The following TRAPPC2 variants were observed in gnomAD, a reference collection of about 807,000 sequenced individuals.
TRAPPC2 encodes the protein sedlin.
A neutral mutation model predicts 10.0 loss-of-function variants in TRAPPC2; 4 were observed. The ratio of observed to expected loss-of-function variants is 0.40; its 90% CI spans 0.20 to 0.92. The LOEUF is 0.92. Among genes scored for constraint, TRAPPC2 ranks in the 40% least tolerant of loss-of-function variants. The pLI, the probability that TRAPPC2 is intolerant of heterozygous loss-of-function variation, is 0.35. For missense variants in TRAPPC2, 52 were observed against 108.7 expected, an observed-to-expected ratio of 0.48 and a Z score of 2.32; for synonymous variants, 36 against 37.3, an observed-to-expected ratio of 0.97 and a Z score of 0.12.
At chrX:13,730,390 T>G (rs1366826635) in intron 2 of TRAPPC2, among the ~76,000 whole-genome samples, 1 of 112,045 alleles carries the variant, frequency 8.9e-6, no homozygotes, top group African/African-American at 3.2e-5. Context: ...CCAGTTAGAA[T>G]GGCAATCATT....
chrX:13,719,850 A>G, intron 3 of TRAPPC2, 21 bp downstream of exon 3: 3 of 1,064,362 alleles, frequency 2.8e-6, no homozygotes, highest in Non-Finnish European at 3.9e-6. Flanking sequence ...TCATTACAAT[A>G]GCATAAAAAT....
chrX:13,719,831 T>C (rs2046370346), intron 3 of TRAPPC2, 40 bp downstream of exon 3: 1 of 955,945 alleles, frequency 1.0e-6, no homozygotes, highest in African/African-American at 2.0e-5. Flanking sequence ...AAAATCATAT[T>C]ATACCATATC....
intron 2 of TRAPPC2, among the ~76,000 whole-genome samples, chrX:13,723,148 T>G (rs766257092): frequency 9.1e-6 from 1 of 110,023 alleles, no homozygotes; most frequent in Admixed American, 9.6e-5. Flanking sequence ...TGAATTTTAA[T>G]TAAACATAAA....
intron 3 of TRAPPC2, among the ~76,000 whole-genome samples, chrX:13,719,598 G>A (rs1361836326): frequency 8.9e-6 from 1 of 112,016 alleles, no homozygotes; most frequent in African/African-American, 3.3e-5. Context: ...GGTGAACTAT[G>A]TCTTTATGTG....
intron 5 of TRAPPC2, chrX:13,715,788 T>C: frequency 1.1e-6 from 1 of 929,328 alleles, no homozygotes; most frequent in South Asian, 3.8e-5. Flanking sequence ...TTCACAATCA[T>C]CTAAAGGTAA....
chrX:13,727,927 G>A (rs1157668553), intron 2 of TRAPPC2, among the ~76,000 whole-genome samples: 3 of 111,514 alleles, frequency 2.7e-5, no homozygotes, highest in African/African-American at 6.5e-5. Context: ...TATCACCACC[G>A]ATCCCACAGA....
intron 2 of TRAPPC2, chrX:13,722,090 G>A (rs1461843324): frequency 9.2e-6 from 1 of 108,471 alleles, no homozygotes; most frequent in Non-Finnish European, 1.9e-5. Flanking sequence ...GAAGGACAGG[G>A]AGTTGAAATT....
At chrX:13,715,450 G>A (rs144913282) in intron 5 of TRAPPC2, 1,463 of 112,996 alleles carry the variant, frequency 0.013, 9 homozygotes, top group Middle Eastern at 0.023. Context: ...TCCAGCCTGG[G>A]TGACAGAGCA....
intron 5 of TRAPPC2, among the ~76,000 whole-genome samples, chrX:13,715,116 A>C (rs2046265161): frequency 8.9e-6 from 1 of 112,862 alleles, no homozygotes; most frequent in Non-Finnish European, 1.9e-5. Context: ...GAATACTGTT[A>C]AATTGTATTA....
At chrX:13,721,843 C>T (rs1043700391) in intron 2 of TRAPPC2, 1 of 110,288 alleles carries the variant, frequency 9.1e-6, no homozygotes, top group African/African-American at 3.3e-5. Flanking sequence ...ATTTTGCGAC[C>T]ATCTAAGGCT....
At chrX:13,727,315 A>G (rs1235958617) in intron 2 of TRAPPC2, among the ~76,000 whole-genome samples, 1 of 112,265 alleles carries the variant, frequency 8.9e-6, no homozygotes, top group Non-Finnish European at 1.9e-5. Context: ...TCAGCACCAC[A>G]TTGCACTTAT....
At chrX:13,717,969 A>C (rs1020132373) in intron 3 of TRAPPC2, among the ~76,000 whole-genome samples, 6 of 112,027 alleles carry the variant, frequency 5.4e-5, no homozygotes, top group Non-Finnish European at 1.1e-4. Context: ...AGATGCACAC[A>C]GGGAGAAAAA....
intron 2 of TRAPPC2, among the ~76,000 whole-genome samples, chrX:13,727,925 C>T (rs1468301702): frequency 9.0e-6 from 1 of 111,268 alleles, no homozygotes; most frequent in Non-Finnish European, 1.9e-5. Context: ...GATATCACCA[C>T]CGATCCCACA....
At position 13,714,311 on chromosome X, in the gene TRAPPC2, A is replaced by G; in HGVS notation, c.*96T>C. 1 of 493,505 alleles carries G rather than the reference A, an allele frequency of 2.0e-6. No individual in the cohort carries two copies. The allele number at this position is 493,505 out of a possible 1,213,427, so 40.7% of individuals were successfully genotyped here. ...GTTTAGATAAGCTGAGAATACACAA[A>G]AGTTTTCCAGGCTATTTAATCAAGT... On this transcript the variant is annotated 3_prime_UTR_variant, in exon 6 of 6. Transcript: ENST00000380579.
intron 3 of TRAPPC2, among the ~76,000 whole-genome samples, chrX:13,719,070 T>C (rs1334177335): frequency 4.5e-5 from 5 of 110,508 alleles, no homozygotes; most frequent in Non-Finnish European, 7.6e-5. Context: ...TACAGGAGAA[T>C]TGCTTGAACC....
intron 3 of TRAPPC2, among the ~76,000 whole-genome samples, chrX:13,718,542 T>TA (rs2046343912): frequency 1.8e-5 from 2 of 112,172 alleles, no homozygotes. Flanking sequence ...TACATACAAG[T>TA]AGCTGCATCC....
intron 5 of TRAPPC2, chrX:13,715,798 A>C: frequency 1.1e-6 from 1 of 940,618 alleles, no homozygotes; most frequent in Non-Finnish European, 1.3e-6. Flanking sequence ...TCTAAAGGTA[A>C]CTACCATGAA....
Position 13,713,454 on chromosome X carries a change from A to AAAAAAAG in TRAPPC2, c.*952_*953insCTTTTTT, listed in dbSNP as rs1279473030. 9.3e-6 allele frequency: 1 copy of AAAAAAAG among 107,164 alleles called. No homozygotes were observed. Among genetic ancestry groups the AAAAAAAG allele is most frequent in the Non-Finnish European group, 1.9e-5 (1 of 51,986 alleles). 8.8% of individuals were successfully genotyped at this position (107,164 alleles called of 1,213,427 possible). On this transcript the variant is annotated 3_prime_UTR_variant, in exon 6 of 6. Transcript: ENST00000380579. ...AACAGGAGCAAGACTCCATCTCAAA[A>AAAAAAAG]AAACAAAAAACAAAAAACAAAAACA...
At chrX:13,715,484 A>T (rs1710304532) in intron 5 of TRAPPC2, 1 of 113,172 alleles carries the variant, frequency 8.8e-6, no homozygotes, top group South Asian at 3.6e-4. Context: ...AACAAAACAT[A>T]CTATTGTTAT....
Sources: gnomAD v4.1 joint callset for allele counts (sites outside exome capture counted in the v4.1 genomes callset) on GRCh38, gnomAD v4.1.1 for gene constraint, MANE v1.5 for transcripts, NCBI Gene and HGNC (gene_info 2026-07-23, HGNC 2026-07-21) for gene names.